The following USP8 variants were observed in gnomAD, a reference collection of about 807,000 sequenced individuals.
USP8 encodes ubiquitin specific peptidase 8, also known as ubiquitin carboxyl-terminal hydrolase 8.
A neutral mutation model predicts 130.0 loss-of-function variants in USP8; 27 were observed. The observed-to-expected ratio is 0.21, with a 90% confidence interval of 0.15 to 0.29. The LOEUF is 0.29. USP8 is among the 10% of genes least tolerant of loss of function. The pLI is 1.00. For synonymous variants in USP8, 392 were observed against 444.1 expected (o/e 0.88, Z 1.48); for missense variants, 1,029 against 1,312.2 (o/e 0.78, Z 3.33).
intron 1 of USP8, among the ~76,000 whole-genome samples, chr15:50,433,936 CT>C (rs1236245027): frequency 2.0e-5 from 3 of 152,100 alleles, no homozygotes; most frequent in Admixed American, 6.6e-5. Flanking sequence ...ATTTTCAACA[CT>C]TTTGGGTTTC....
chr15:50,436,066 C>T lies in USP8; in HGVS notation c.-65-2943C>T, dbSNP rs111415920. 3.7e-3 allele frequency among the ~76,000 whole-genome samples: 570 copies of T among 152,018 alleles called. 6 individuals carry two copies. The highest frequency in any genetic ancestry group is 0.013 in the African/African-American group (552 of 41,452). On this transcript the variant is annotated intron_variant, in intron 1 of 19. Coordinates refer to ENST00000307179, the MANE Select transcript of USP8 (RefSeq NM_005154.5). Reference sequence around the variant, plus strand: ...TTTCCCTATCTAGTTTGTCACTTACCGCCTAACTTTATACTCTTCTTAGTT... The same window carrying T: ...TTTCCCTATCTAGTTTGTCACTTACTGCCTAACTTTATACTCTTCTTAGTT...
chr15:50,476,724 C>T, intron 8 of USP8, 125 bp from the exon 9 acceptor site: 2 of 1,068,044 alleles, frequency 1.9e-6, no homozygotes, highest in Non-Finnish European at 2.5e-6. Context: ...ATTCAGTTCT[C>T]ATTTTGTCAT....
chr15:50,467,839 G>T (rs1056328907), intron 7 of USP8, among the ~76,000 whole-genome samples: 4 of 151,924 alleles, frequency 2.6e-5, no homozygotes, highest in Non-Finnish European at 5.9e-5. Context: ...TTATAGATGT[G>T]AGCCATTGCA....
chr15:50,428,672 G>T (rs1343389143), intron 1 of USP8, among the ~76,000 whole-genome samples: 1 of 152,202 alleles, frequency 6.6e-6, no homozygotes, highest in Admixed American at 6.5e-5. Context: ...CATAACTTGT[G>T]CAACTTGAGG....
intron 4 of USP8, among the ~76,000 whole-genome samples, chr15:50,456,634 C>A (rs2050801404): frequency 6.6e-6 from 1 of 151,994 alleles, no homozygotes; most frequent in Non-Finnish European, 1.5e-5. Flanking sequence ...CCCTGTAATC[C>A]CAGCACTTTG....
intron 13 of USP8, among the ~76,000 whole-genome samples, 159 bp from the exon 14 acceptor site, chr15:50,490,104 T>C (rs2052103213): frequency 6.6e-6 from 1 of 152,230 alleles, no homozygotes; most frequent in East Asian, 1.9e-4. Flanking sequence ...AATAGTGTAT[T>C]ACTTTAAAAC....
chr15:50,458,888 A>G (rs2050880982), intron 4 of USP8, 112 bp from the exon 5 acceptor site: 1 of 1,275,350 alleles, frequency 7.8e-7, no homozygotes, highest in African/African-American at 1.5e-5. Flanking sequence ...GGGAGAAAGC[A>G]TATAGCCATG....
rs1322172188 is a variant in USP8, at chr15:50,503,451, C to G, written c.*4363C>G. The G allele has an allele frequency of 6.6e-6, 1 of 152,260 alleles. No homozygotes were observed. Among genetic ancestry groups the G allele is most frequent in the Non-Finnish European group, 1.5e-5 (1 of 68,074 alleles). The allele number at this position is 152,260 out of a possible 1,614,324, so 9.4% of individuals were successfully genotyped here. ...GGGTTTTAAAGGTCACGCAAGGACACTCGAGGTAAAGTCTTAGGCCCCCCT... is the reference window on the plus strand; with the variant it reads ...GGGTTTTAAAGGTCACGCAAGGACAGTCGAGGTAAAGTCTTAGGCCCCCCT... On this transcript the variant is annotated 3_prime_UTR_variant, in exon 20 of 20. Coordinates refer to ENST00000307179, the MANE Select transcript of USP8 (RefSeq NM_005154.5).
At chr15:50,430,579 A>T (rs189130725) in intron 1 of USP8, among the ~76,000 whole-genome samples, 6 of 147,934 alleles carry the variant, frequency 4.1e-5, no homozygotes, top group Admixed American at 2.0e-4. Flanking sequence ...TTATTTTTTT[A>T]TTTTTTTTTT....
intron 3 of USP8, among the ~76,000 whole-genome samples, chr15:50,448,742 C>A (rs3131574): frequency 0.54 from 82,074 of 151,612 alleles, 23,028 homozygotes; most frequent in African/African-American, 0.69. Context: ...CTGGTCTTGA[C>A]CTCCTGTCCT....
chr15:50,497,095 C>G lies in USP8; in HGVS notation c.2902C>G (p.Leu968Val). 1 of 1,597,432 alleles carries G rather than the reference C, an allele frequency of 6.3e-7. No individual in the cohort carries two copies. The highest frequency in any genetic ancestry group is 8.5e-7 in the Non-Finnish European group (1 of 1,174,110). Residue 968 changes from leucine (L) to valine (V), a missense_variant, in exon 18 of 20, where the codon CTT becomes GTT. Coordinates refer to ENST00000307179, the MANE Select transcript of USP8 (RefSeq NM_005154.5). Reference protein sequence around the residue: ...STSKCTLQDCLRLFSKEEKLT... With the variant: ...STSKCTLQDCVRLFSKEEKLT... ...ACTTGTTTTTTTCTGCCAGGATTGC[C>G]TTAGATTATTTTCCAAAGAAGAAAA... is the stretch of plus-strand genomic sequence containing the variant.
At position 50,511,524 on chromosome 15, in the gene USP8, G is replaced by A. The variant is rs142646266; in HGVS notation, c.*12436G>A. ...AGCCAAAAGTGGAAACAAGCCAAAT[G>A]TCCATCACTGGATGGATTAAGGAAA... On this transcript the variant is annotated 3_prime_UTR_variant, in exon 20 of 20. Coordinates refer to ENST00000307179, the MANE Select transcript of USP8 (RefSeq NM_005154.5). 6.1e-4 allele frequency: 93 copies of A among 152,302 alleles called. No homozygotes were observed. Among genetic ancestry groups the A allele is most frequent in the African/African-American group, 2.0e-3 (84 of 41,560 alleles). 9.4% of individuals were successfully genotyped at this position (152,302 alleles called of 1,614,324 possible). A position where few individuals can be genotyped will look rare whatever the true frequency, so the allele number is the denominator to read the frequency against.
chr15:50,444,063 A>G (rs1444331713), intron 3 of USP8, among the ~76,000 whole-genome samples: 1 of 138,686 alleles, frequency 7.2e-6, no homozygotes, highest in African/African-American at 2.7e-5. Flanking sequence ...TAACTTTGGT[A>G]GTTTTGTTGT....
In USP8 at chr15:50,514,126, T is replaced by C. The variant is rs2052775046; in HGVS notation, c.*15038T>C. ...ATATAAACAACAATATGGATGAACA[T>C]TACATAATTTTGAATGAAAGGAGCC... On this transcript the variant is annotated 3_prime_UTR_variant, in exon 20 of 20. Coordinates refer to ENST00000307179, the MANE Select transcript of USP8 (RefSeq NM_005154.5). The C allele has an allele frequency of 1.3e-5, 2 of 152,154 alleles. No individual in the cohort carries two copies. Among genetic ancestry groups the C allele is most frequent in the South Asian group, 4.1e-4 (2 of 4,830 alleles). The allele number at this position is 152,154 out of a possible 1,614,324, so 9.4% of individuals were successfully genotyped here.
chr15:50,483,862 T>G (rs1163379675), intron 11 of USP8, among the ~76,000 whole-genome samples: 2 of 152,186 alleles, frequency 1.3e-5, no homozygotes, highest in Non-Finnish European at 2.9e-5. Flanking sequence ...TTTTTACTAT[T>G]GGTCTGTATC....
chr15:50,452,899 C>T (rs1247331791), intron 4 of USP8, among the ~76,000 whole-genome samples: 1 of 152,184 alleles, frequency 6.6e-6, no homozygotes, highest in Non-Finnish European at 1.5e-5. Flanking sequence ...CACCTTTCGT[C>T]CTGGCACTCT....
Position 50,439,093 on chromosome 15 carries a change from T to C in USP8, c.20T>C (p.Val7Ala). 6.2e-7 allele frequency: 1 copy of C among 1,608,050 alleles called. No individual in the cohort carries two copies. Among genetic ancestry groups the C allele is most frequent in the Non-Finnish European group, 8.5e-7 (1 of 1,178,264 alleles). The change falls in exon 2 of 20, where the codon GTT becomes GCT. Residue 7 changes from valine (V) to alanine (A), a missense_variant. Val to Ala is a moderately conservative substitution (Grantham distance 64). This residue lies in a region of USP8 where 281 missense variants were observed against 336.7 expected (regional missense o/e 0.83). Coordinates refer to ENST00000307179, the MANE Select transcript of USP8 (RefSeq NM_005154.5). MPAVAS[V>A]PKELYLSSSL... Reference sequence around the variant, plus strand: ...TTCATCATGCCTGCTGTGGCTTCAGTTCCTAAAGAACTCTACCTCAGTTCT... The same window carrying C: ...TTCATCATGCCTGCTGTGGCTTCAGCTCCTAAAGAACTCTACCTCAGTTCT...
intron 13 of USP8, 22 bp from the exon 14 acceptor site, chr15:50,490,237 GTTTT>G (rs368317483): frequency 2.0e-5 from 24 of 1,229,398 alleles, no homozygotes; most frequent in Non-Finnish European, 2.6e-5. Context: ...TTTTTGACCT[GTTTT>G]TTTTTTTCTT....
rs201123289 is a variant in USP8, at chr15:50,440,511, A to G, written c.105-838A>G. ...CAGGGTTAGGGAGGATAGTTTTGGGATGAGTCAAGTGCACTACATTTATTG... is the reference window on the plus strand; with the variant it reads ...CAGGGTTAGGGAGGATAGTTTTGGGGTGAGTCAAGTGCACTACATTTATTG... On this transcript the variant is annotated intron_variant, in intron 2 of 19. Transcript: ENST00000307179. Among the ~76,000 whole-genome samples, 5 of 152,304 alleles carry G rather than the reference A, an allele frequency of 3.3e-5. No homozygotes were observed. The East Asian group carries it at 9.6e-4, about 29-fold the overall frequency.
Sources: allele counts gnomAD v4.1 joint callset (sites outside exome capture counted in the v4.1 genomes callset), GRCh38; gene constraint gnomAD v4.1.1; regional missense constraint gnomAD v4.1.1; transcripts MANE v1.5; gene names NCBI Gene and HGNC (gene_info 2026-07-23, HGNC 2026-07-21).